Variants in ZNF277 observed in about 807,000 individuals in gnomAD.
ZNF277 encodes nuclear receptor-interacting factor 4.
In ZNF277, 55 loss-of-function variants were observed where a neutral mutation model predicts 60.7. The observed-to-expected ratio is 0.91, with a 90% CI of 0.73 to 1.13. ZNF277 has a LOEUF of 1.13. Ranked by LOEUF, ZNF277 falls within the 50% of genes most tolerant of loss-of-function variation. The probability of loss-of-function intolerance (pLI) is 0.00; values close to 1 mark genes in which losing one functional copy is unlikely to be tolerated. For missense variants in ZNF277, 510 were observed against 523.0 expected (o/e 0.98, Z 0.24); for synonymous variants, 178 against 179.3 (o/e 0.99, Z 0.06).
At chr7:112,327,937 T>C (rs757809439) in intron 6 of ZNF277, 110 bp downstream of exon 6, 12 of 739,414 alleles carry the variant, frequency 1.6e-5, no homozygotes, top group Admixed American at 3.2e-5. Flanking sequence ...GAATTTCCCA[T>C]GTTGGAGGAG....
chr7:112,317,972 A>G (rs1436410155), intron 4 of ZNF277, among the ~76,000 whole-genome samples: 1 of 152,248 alleles, frequency 6.6e-6, no homozygotes, highest in South Asian at 2.1e-4. Context: ...TAATTCCCAC[A>G]TAGCTGTTAA....
At chr7:112,278,640 A>G (rs1791871915) in intron 1 of ZNF277, among the ~76,000 whole-genome samples, 2 of 152,178 alleles carry the variant, frequency 1.3e-5, no homozygotes, top group Admixed American at 1.3e-4. Context: ...GAAACAGGCT[A>G]AGAAAGGTTA....
In ZNF277 at chr7:112,336,088, T is replaced by C. The variant is rs1356084930; in HGVS notation, c.802-16T>C. The C allele has an allele frequency of 1.2e-6, 2 of 1,609,076 alleles. No homozygotes were observed. Among genetic ancestry groups the C allele is most frequent in the Non-Finnish European group, 1.7e-6 (2 of 1,177,000 alleles). On this transcript the variant is annotated splice_polypyrimidine_tract_variant and intron_variant, in intron 7 of 11. Transcript: ENST00000361822. ...TTTCCCCCAATGTCTCTCATCCCTCTGTTCTTCCTACAAAGGAACTTGGAA... is the reference window on the plus strand; with the variant it reads ...TTTCCCCCAATGTCTCTCATCCCTCCGTTCTTCCTACAAAGGAACTTGGAA...
At chr7:112,340,737 CTAT>C (rs1488453172) in intron 10 of ZNF277, 132 bp from the exon 11 acceptor site, 1 of 675,194 alleles carries the variant, frequency 1.5e-6, no homozygotes, top group East Asian at 2.8e-5. Context: ...TATTTGGTAT[CTAT>C]TATTATGCTT....
intron 1 of ZNF277, among the ~76,000 whole-genome samples, chr7:112,281,325 T>TTTA (rs1791938980): frequency 6.6e-6 from 1 of 152,206 alleles, no homozygotes; most frequent in South Asian, 2.1e-4. Context: ...TGGAAACCAC[T>TTTA]GCTCTAAGCT....
At chr7:112,233,309 G>A (rs187073622) in intron 1 of ZNF277, among the ~76,000 whole-genome samples, 47 of 152,264 alleles carry the variant, frequency 3.1e-4, no homozygotes, top group East Asian at 3.9e-4. Context: ...CTCTGGTTCC[G>A]TCTTATTCTT....
rs566602578 is a variant in ZNF277, at chr7:112,249,997, T to G, written c.92-36876T>G. 9.2e-5 allele frequency among the ~76,000 whole-genome samples: 14 copies of G among 152,274 alleles called. No individual in the cohort carries two copies. The South Asian group carries it at 1.9e-3, about 20-fold the overall frequency. On this transcript the variant is annotated intron_variant, in intron 1 of 11. Transcript: ENST00000361822. ...GCAATTGTTCAGGGAATAAGAGAGA[T>G]AACCTTAAACTCTGACCGCCGGTGA...
intron 4 of ZNF277, among the ~76,000 whole-genome samples, chr7:112,296,912 ATTTTTTTTTTTT>A (rs1170078999): frequency 5.0e-5 from 2 of 39,670 alleles, no homozygotes; most frequent in Non-Finnish European, 6.6e-5. Flanking sequence ...TTATTTATTT[ATTTTTTTTTTTT>A]TTTTTTTTTT....
Position 112,270,171 on chromosome 7 carries a change from C to T in ZNF277, c.92-16702C>T, listed in dbSNP as rs1240662296. ...TGGATTTGCACCCACAATCGTAGTC[C>T]AGTTGATTCTTTGCATCCTTGAATT... On this transcript the variant is annotated intron_variant, in intron 1 of 11. Coordinates refer to ENST00000361822, the MANE Select transcript of ZNF277 (RefSeq NM_021994.3). 2.0e-5 allele frequency among the ~76,000 whole-genome samples: 3 copies of T among 152,168 alleles called. No homozygotes were observed. In the East Asian group the frequency reaches 5.8e-4, roughly 29 times the overall value.
chr7:112,289,075 G>T (rs1168333846), intron 2 of ZNF277: 1 of 151,532 alleles, frequency 6.6e-6, no homozygotes, highest in Admixed American at 6.6e-5. Context: ...TATCACCGAA[G>T]GTATATTTGA....
chr7:112,342,595 C>CT lies in ZNF277; in HGVS notation c.1220dup (p.Cys408ValfsTer5). On this transcript the variant is annotated frameshift_variant, in exon 12 of 12. Coordinates refer to ENST00000361822, the MANE Select transcript of ZNF277 (RefSeq NM_021994.3). LOFTEE classifies it high-confidence loss of function. ...TCCAACCTATGAAAATGACACTCTC[C>CT]TGTGTACACTATCTGACAGTGAAAG... The CT allele has an allele frequency of 1.9e-6, 3 of 1,611,396 alleles. No individual in the cohort carries two copies. Among genetic ancestry groups the CT allele is most frequent in the Non-Finnish European group, 1.7e-6 (2 of 1,179,270 alleles).
chr7:112,238,109 G>A (rs1790848818), intron 1 of ZNF277, among the ~76,000 whole-genome samples: 1 of 152,190 alleles, frequency 6.6e-6, no homozygotes, highest in Non-Finnish European at 1.5e-5. Flanking sequence ...AGTTAGGTGA[G>A]CAAATCACAG....
intron 7 of ZNF277, among the ~76,000 whole-genome samples, chr7:112,335,392 G>C (rs1793309659): frequency 6.6e-6 from 1 of 152,094 alleles, no homozygotes; most frequent in Admixed American, 6.6e-5. Context: ...GGGAACAAAA[G>C]AATTGGGCCA....
At chr7:112,341,150 A>G (rs1021473035) in intron 11 of ZNF277, 104 bp downstream of exon 11, 2 of 1,139,834 alleles carry the variant, frequency 1.8e-6, no homozygotes, top group Admixed American at 3.3e-5. Flanking sequence ...ATACATATTT[A>G]TTATAAAAAG....
intron 1 of ZNF277, among the ~76,000 whole-genome samples, chr7:112,228,454 CTTTTTTTTTTT>C (rs71150013): frequency 8.2e-5 from 3 of 36,376 alleles, no homozygotes; most frequent in African/African-American, 1.0e-4. Flanking sequence ...GAGGAGAGGC[CTTTTTTTTTTT>C]TTTTTTTTTT....
intron 11 of ZNF277, among the ~76,000 whole-genome samples, chr7:112,342,077 A>C (rs1260146645): frequency 6.6e-6 from 1 of 152,156 alleles, no homozygotes. Context: ...ATTCTCAATT[A>C]TTTGAATAAT....
At chr7:112,304,184 A>T (rs1792541264) in intron 4 of ZNF277, among the ~76,000 whole-genome samples, 1 of 152,152 alleles carries the variant, frequency 6.6e-6, no homozygotes, top group Admixed American at 6.5e-5. Context: ...GATTGTTTTT[A>T]AAGAAACTGT....
At chr7:112,301,537 A>G (rs1000506180) in intron 4 of ZNF277, among the ~76,000 whole-genome samples, 16 of 152,206 alleles carry the variant, frequency 1.1e-4, no homozygotes, top group African/African-American at 3.9e-4. Flanking sequence ...TAGTATAAAC[A>G]TTACTTTTCT....
At chr7:112,222,499 C>T (rs1822058100) in intron 1 of ZNF277, among the ~76,000 whole-genome samples, 1 of 152,064 alleles carries the variant, frequency 6.6e-6, no homozygotes, top group Non-Finnish European at 1.5e-5. Context: ...CCTCATGATC[C>T]TTTGTATTTC....
Sources: gnomAD v4.1 joint callset for allele counts (sites outside exome capture counted in the v4.1 genomes callset) on GRCh38, gnomAD v4.1.1 for gene constraint, MANE v1.5 for transcripts, NCBI Gene and HGNC (gene_info 2026-07-23, HGNC 2026-07-21) for gene names.